The following MAP4K4 variants were observed in gnomAD, a reference collection of about 807,000 sequenced individuals.
MAP4K4 encodes the protein mitogen-activated protein kinase kinase kinase kinase 4.
In MAP4K4, 38 loss-of-function variants were observed where a neutral mutation model predicts 189.6. The observed-to-expected ratio is 0.20, with a 90% CI of 0.15 to 0.26. The LOEUF (loss-of-function observed/expected upper bound fraction) is 0.26, where lower values mean the gene tolerates loss of function less well. Among genes scored for constraint, MAP4K4 ranks in the 10% least tolerant of loss-of-function variants. The pLI, the probability that MAP4K4 is intolerant of heterozygous loss-of-function variation, is 1.00. For missense variants in MAP4K4, 1,054 were observed against 1,726.9 expected, an observed-to-expected ratio of 0.61 and a Z score of 6.91; for synonymous variants, 610 against 624.3, an observed-to-expected ratio of 0.98 and a Z score of 0.34.
intron 2 of MAP4K4, among the ~76,000 whole-genome samples, chr2:101,754,837 G>A (rs1321638695): frequency 1.3e-5 from 2 of 152,174 alleles, no homozygotes; most frequent in African/African-American, 4.8e-5. Flanking sequence ...TGAGTTGTTA[G>A]GAGAGAAAGC....
intron 2 of MAP4K4, among the ~76,000 whole-genome samples, chr2:101,779,964 TC>T: frequency 6.6e-6 from 1 of 152,310 alleles, no homozygotes; most frequent in South Asian, 2.1e-4. Context: ...AAGGAATATG[TC>T]TTCTAAACCG....
intron 2 of MAP4K4, among the ~76,000 whole-genome samples, chr2:101,774,777 C>A (rs1023658739): frequency 6.6e-6 from 1 of 152,158 alleles, no homozygotes; most frequent in Non-Finnish European, 1.5e-5. Context: ...ACAGTCTCAT[C>A]ACCCCAAAAG....
intron 10 of MAP4K4, among the ~76,000 whole-genome samples, chr2:101,840,556 A>G (rs1188371089): frequency 6.6e-6 from 1 of 152,182 alleles, no homozygotes; most frequent in African/African-American, 2.4e-5. Flanking sequence ...CTTTGCACAT[A>G]CTTTGCCCAC....
At chr2:101,715,917 A>G (rs1040089053) in intron 2 of MAP4K4, among the ~76,000 whole-genome samples, 1 of 152,176 alleles carries the variant, frequency 6.6e-6, no homozygotes, top group African/African-American at 2.4e-5. Context: ...CAGTGGTGGC[A>G]TTAGATTCTC....
intron 2 of MAP4K4, among the ~76,000 whole-genome samples, chr2:101,699,364 T>C (rs896946345): frequency 2.0e-5 from 3 of 152,256 alleles, no homozygotes; most frequent in African/African-American, 4.8e-5. Flanking sequence ...GTTCATTTTA[T>C]ACATTGTACA....
chr2:101,786,867 C>A (rs2091456887), intron 2 of MAP4K4, among the ~76,000 whole-genome samples: 1 of 152,132 alleles, frequency 6.6e-6, no homozygotes, highest in African/African-American at 2.4e-5. Flanking sequence ...GCTTTTAAAT[C>A]ACTAATTGTC....
At chr2:101,697,972 G>C in exon 1 of MAP4K4, 1 of 647,998 alleles carries the variant, frequency 1.5e-6, no homozygotes, top group Non-Finnish European at 2.2e-6. Flanking sequence ...GTACCGGGCC[G>C]GCTCGGCTGC....
intron 27 of MAP4K4, among the ~76,000 whole-genome samples, chr2:101,878,677 T>C (rs1577288934): frequency 6.6e-6 from 1 of 152,234 alleles, no homozygotes; most frequent in African/African-American, 2.4e-5. Flanking sequence ...TAATTAGTGT[T>C]ATTCCTTGGT....
At chr2:101,777,198 G>A (rs1487350446) in intron 2 of MAP4K4, among the ~76,000 whole-genome samples, 2 of 152,196 alleles carry the variant, frequency 1.3e-5, no homozygotes, top group African/African-American at 4.8e-5. Flanking sequence ...AGCCTCTCAT[G>A]GCCCTTTCTC....
chr2:101,740,413 C>T (rs2062180374), intron 2 of MAP4K4, among the ~76,000 whole-genome samples: 1 of 102,520 alleles, frequency 9.8e-6, no homozygotes, highest in Admixed American at 8.8e-5. Context: ...CTCGGCCTCC[C>T]AAAGTGCTGG....
chr2:101,840,349 G>A (rs2096878927), intron 10 of MAP4K4, among the ~76,000 whole-genome samples: 1 of 152,166 alleles, frequency 6.6e-6, no homozygotes, highest in Non-Finnish European at 1.5e-5. Flanking sequence ...CACCATCAGT[G>A]TGTTTCTGTA....
intron 3 of MAP4K4, among the ~76,000 whole-genome samples, chr2:101,801,640 AC>A (rs2094386810): frequency 1.3e-5 from 2 of 152,106 alleles, no homozygotes; most frequent in Non-Finnish European, 2.9e-5. Context: ...AGCGGTGGAA[AC>A]CCTACCCAGA....
chr2:101,869,831 G>A, intron 22 of MAP4K4, 34 bp downstream of exon 22: 1 of 1,487,514 alleles, frequency 6.7e-7, no homozygotes. Context: ...GCGGATGAGA[G>A]TATTCTCTCA....
At chr2:101,880,829 AT>A (rs1559321297) in intron 27 of MAP4K4, among the ~76,000 whole-genome samples, 1 of 151,726 alleles carries the variant, frequency 6.6e-6, no homozygotes, top group East Asian at 1.9e-4. Flanking sequence ...TCTGGGCTCT[AT>A]TTTTTCCCAT....
intron 9 of MAP4K4, among the ~76,000 whole-genome samples, chr2:101,837,548 A>G (rs751490086): frequency 4.6e-5 from 7 of 152,128 alleles, no homozygotes; most frequent in African/African-American, 1.7e-4. Flanking sequence ...AGTCTTCTGT[A>G]TTAAGACATA....
intron 24 of MAP4K4, among the ~76,000 whole-genome samples, chr2:101,873,253 C>T (rs1450903886): frequency 1.3e-5 from 2 of 152,182 alleles, no homozygotes; most frequent in Admixed American, 6.5e-5. Flanking sequence ...ATTATTTGGA[C>T]TCTTGGGTAG....
At chr2:101,863,847 C>G (rs2097741190) in exon 17 of MAP4K4, 2 of 1,367,700 alleles carry the variant, frequency 1.5e-6, no homozygotes, top group Non-Finnish European at 2.0e-6. Flanking sequence ...TGGCATCTCT[C>G]AAGAACAATG....
intron 2 of MAP4K4, among the ~76,000 whole-genome samples, chr2:101,742,024 C>G (rs1006741632): frequency 6.6e-6 from 1 of 152,026 alleles, no homozygotes; most frequent in Non-Finnish European, 1.5e-5. Context: ...AGAGCACACC[C>G]TTTGTATCTC....
At chr2:101,738,727 T>C (rs2061465988) in intron 2 of MAP4K4, among the ~76,000 whole-genome samples, 2 of 152,038 alleles carry the variant, frequency 1.3e-5, no homozygotes, top group African/African-American at 4.8e-5. Context: ...TTTCTTTTCT[T>C]GCCCTCTGCT....
Sources: allele counts gnomAD v4.1 joint callset (sites outside exome capture counted in the v4.1 genomes callset), GRCh38; gene constraint gnomAD v4.1.1; transcripts MANE v1.5; gene names NCBI Gene and HGNC (gene_info 2026-07-23, HGNC 2026-07-21).